The following LAPTM4B variants were observed in gnomAD, a reference collection of about 807,000 sequenced individuals.
LAPTM4B encodes the protein lysosomal-associated transmembrane protein 4B.
A neutral mutation model predicts 28.5 loss-of-function variants in LAPTM4B; 26 were observed. That is an observed-to-expected ratio of 0.91 (90% confidence interval 0.67 to 1.27). The LOEUF (loss-of-function observed/expected upper bound fraction) is 1.27. Ranked by LOEUF, LAPTM4B falls within the 50% of genes most tolerant of loss-of-function variation. The pLI, the probability that LAPTM4B is intolerant of heterozygous loss-of-function variation, is 0.00. For synonymous variants in LAPTM4B, 109 were observed against 106.4 expected, an observed-to-expected ratio of 1.02 and a Z score of -0.15; for missense variants, 288 against 285.8, an observed-to-expected ratio of 1.01 and a Z score of -0.06.
intron 5 of LAPTM4B, among the ~76,000 whole-genome samples, chr8:97,822,543 T>C (rs999823203): frequency 6.7e-6 from 1 of 148,668 alleles, no homozygotes; most frequent in Middle Eastern, 3.4e-3. Flanking sequence ...TTTATTTATT[T>C]ATTTATTTAT....
At chr8:97,836,681 A>T (rs10504980) in intron 6 of LAPTM4B, among the ~76,000 whole-genome samples, 59,565 of 151,708 alleles carry the variant, frequency 0.39, 12,298 homozygotes, top group Non-Finnish European at 0.46. Flanking sequence ...GATTGCAGAT[A>T]AAAGAATCAT....
intron 6 of LAPTM4B, among the ~76,000 whole-genome samples, chr8:97,842,385 G>A (rs1249465540): frequency 1.3e-5 from 2 of 152,138 alleles, no homozygotes; most frequent in African/African-American, 2.4e-5. Context: ...CTAGGCAACT[G>A]TAGGACAGCT....
intron 6 of LAPTM4B, among the ~76,000 whole-genome samples, chr8:97,825,907 A>G (rs943310405): frequency 3.9e-5 from 6 of 152,236 alleles, no homozygotes; most frequent in Admixed American, 6.5e-5. Context: ...GGCATGGGAC[A>G]GGATGGGTGG....
Position 97,776,121 on chromosome 8 carries a change from C to T in LAPTM4B, c.99+13C>T, listed in dbSNP as rs375039009. 5 of 1,491,724 alleles carry T rather than the reference C, an allele frequency of 3.4e-6. No homozygotes were observed. The African/African-American group carries it at 4.3e-5, about 13-fold the overall frequency. The allele number at this position is 1,491,724 out of a possible 1,614,324, so 92.4% of individuals were successfully genotyped here. A position where few individuals can be genotyped will look rare whatever the true frequency, so the allele number is the denominator to read the frequency against. On this transcript the variant is annotated intron_variant, in intron 1 of 6. Coordinates refer to ENST00000521545, the MANE Select transcript of LAPTM4B (RefSeq NM_018407.6). The stretch of plus-strand genomic sequence containing the variant: ...CGTCTGGTATCTGGTGAGCGCGGCG[C>T]GCCCGGCCCGGGACCCTGCGTTGCT...
At position 97,816,078 on chromosome 8, in the gene LAPTM4B, C is replaced by T. The variant is rs199856463; in HGVS notation, c.306C>T (p.Ile102=). 6.2e-7 allele frequency: 1 copy of T among 1,613,212 alleles called. No individual in the cohort carries two copies. Among genetic ancestry groups the T allele is most frequent in the Non-Finnish European group, 8.5e-7 (1 of 1,179,642 alleles). Residue 102 remains isoleucine (I), a synonymous_variant, in exon 4 of 7, where the codon ATC becomes ATT. Coordinates refer to ENST00000521545, the MANE Select transcript of LAPTM4B (RefSeq NM_018407.6). Reference sequence around the variant, plus strand: ...TTTAGCAACGCGCAGCCTGGATCATCCCATTCTTCTGTTACCAGATCTTTG... The same window carrying T: ...TTTAGCAACGCGCAGCCTGGATCATTCCATTCTTCTGTTACCAGATCTTTG... ...GAYKQRAAWI[I]PFFCYQIFDF... is the part of the protein sequence containing the mutation.
At chr8:97,831,536 A>G (rs1156594492) in intron 6 of LAPTM4B, among the ~76,000 whole-genome samples, 1 of 152,186 alleles carries the variant, frequency 6.6e-6, no homozygotes, top group African/African-American at 2.4e-5. Context: ...TGGGAAATAA[A>G]TGAGGGGTTC....
At chr8:97,796,032 C>T (rs1451443973) in intron 1 of LAPTM4B, among the ~76,000 whole-genome samples, 4 of 116,056 alleles carry the variant, frequency 3.4e-5, no homozygotes, top group East Asian at 2.2e-4. Flanking sequence ...CTCAACCTCC[C>T]GGGCTCAAGC....
chr8:97,836,751 A>G (rs1466036983), intron 6 of LAPTM4B, among the ~76,000 whole-genome samples: 6 of 152,086 alleles, frequency 3.9e-5, no homozygotes, highest in African/African-American at 9.7e-5. Context: ...TGTTAACTCC[A>G]TAGTATTTAT....
intron 6 of LAPTM4B, among the ~76,000 whole-genome samples, chr8:97,848,064 G>A (rs1443171946): frequency 6.6e-6 from 1 of 152,092 alleles, no homozygotes; most frequent in Non-Finnish European, 1.5e-5. Flanking sequence ...AGAAGTTCTG[G>A]ACCAGCCTGG....
chr8:97,827,701 A>G (rs1817112186), intron 6 of LAPTM4B, among the ~76,000 whole-genome samples: 1 of 152,154 alleles, frequency 6.6e-6, no homozygotes, highest in South Asian at 2.1e-4. Context: ...AGACAACCTG[A>G]AAAGGCTAAG....
intron 6 of LAPTM4B, among the ~76,000 whole-genome samples, chr8:97,850,710 A>G (rs1190082837): frequency 6.7e-6 from 1 of 148,180 alleles, no homozygotes; most frequent in Non-Finnish European, 1.5e-5. Flanking sequence ...TTGTCTTCTC[A>G]TCTCTGAACT....
rs192057504 is a variant in LAPTM4B at position 97,818,910 on chromosome 8, A to C, written c.409-230A>C. On this transcript the variant is annotated intron_variant, in intron 4 of 6. Coordinates refer to ENST00000521545, the MANE Select transcript of LAPTM4B (RefSeq NM_018407.6). ...AAGGAATGGTTCAGAACTTGCAGAGAATACAAATTTCAGAGATCCCTGGAT... is the reference window on the plus strand; with the variant it reads ...AAGGAATGGTTCAGAACTTGCAGAGCATACAAATTTCAGAGATCCCTGGAT... Among the ~76,000 whole-genome samples the C allele has an allele frequency of 2.0e-5, 3 of 152,086 alleles. No individual in the cohort carries two copies. The East Asian group carries it at 5.8e-4, about 29-fold the overall frequency.
intron 6 of LAPTM4B, among the ~76,000 whole-genome samples, chr8:97,848,042 T>G (rs1243715068): frequency 6.6e-6 from 1 of 152,154 alleles, no homozygotes; most frequent in Non-Finnish European, 1.5e-5. Flanking sequence ...GGCAGTCGGA[T>G]CACCTGAGGG....
intron 1 of LAPTM4B, among the ~76,000 whole-genome samples, chr8:97,789,498 C>G (rs1187791419): frequency 1.3e-5 from 2 of 151,634 alleles, no homozygotes; most frequent in Non-Finnish European, 2.9e-5. Context: ...GTAGGTGGAA[C>G]CTGACATACC....
At chr8:97,783,815 A>G (rs11783750) in intron 1 of LAPTM4B, among the ~76,000 whole-genome samples, 25,864 of 152,216 alleles carry the variant, frequency 0.17, 2,887 homozygotes, top group Non-Finnish European at 0.25. Flanking sequence ...TCAGAAAGAC[A>G]TTAAAACTTA....
At chr8:97,824,749 T>A (rs1163561382) in intron 5 of LAPTM4B, among the ~76,000 whole-genome samples, 1 of 152,228 alleles carries the variant, frequency 6.6e-6, no homozygotes, top group Admixed American at 6.5e-5. Flanking sequence ...GTGTGCTTGT[T>A]CTTTCCAGAC....
chr8:97,783,603 C>T (rs145808312), intron 1 of LAPTM4B, among the ~76,000 whole-genome samples: 73 of 152,168 alleles, frequency 4.8e-4, no homozygotes, highest in Admixed American at 7.2e-4. Flanking sequence ...AAAGATTAAC[C>T]GAGAGATTGA....
chr8:97,782,214 C>A (rs1311334238), intron 1 of LAPTM4B, among the ~76,000 whole-genome samples: 2 of 144,960 alleles, frequency 1.4e-5, no homozygotes, highest in South Asian at 2.2e-4. Context: ...CTCCCGACCT[C>A]TGGTGATCTG....
At chr8:97,782,044 G>A (rs984580055) in intron 1 of LAPTM4B, among the ~76,000 whole-genome samples, 10 of 148,980 alleles carry the variant, frequency 6.7e-5, no homozygotes, top group South Asian at 2.1e-4. Flanking sequence ...GCAATGGTGC[G>A]ATCTCGGCTC....
Sources: allele counts gnomAD v4.1 joint callset (sites outside exome capture counted in the v4.1 genomes callset), GRCh38; gene constraint gnomAD v4.1.1; transcripts MANE v1.5; gene names NCBI Gene and HGNC (gene_info 2026-07-23, HGNC 2026-07-21).